ACACA: variants seen among roughly 807,000 people sequenced by gnomAD.
ACACA encodes the protein acetyl-CoA carboxylase 1.
ACACA carries 103 observed loss-of-function variants against 296.1 expected under a neutral mutation model. That is an observed-to-expected ratio of 0.35 (90% CI 0.30 to 0.41). The LOEUF (loss-of-function observed/expected upper bound fraction) is 0.41. Ranked by LOEUF, ACACA falls within the 10% of genes least tolerant of loss-of-function variation. The pLI is 1.00. For synonymous variants in ACACA, 953 were observed against 1,038.6 expected (o/e 0.92, Z 1.58); for missense variants, 1,554 against 2,989.7 (o/e 0.52, Z 11.20).
intron 52 of ACACA, among the ~76,000 whole-genome samples, chr17:37,102,556 C>T (rs1419775130): frequency 6.6e-6 from 1 of 152,196 alleles, no homozygotes; most frequent in Admixed American, 6.5e-5. Flanking sequence ...TGGCTCTCTC[C>T]AAAGCCTGTG....
At chr17:37,174,371 A>C (rs1288075465) in intron 41 of ACACA, among the ~76,000 whole-genome samples, 1 of 151,984 alleles carries the variant, frequency 6.6e-6, no homozygotes, top group Non-Finnish European at 1.5e-5. Context: ...CTCAACAAAC[A>C]AGGCCACTCA....
At chr17:37,302,317 C>T (rs915589579) in intron 3 of ACACA, among the ~76,000 whole-genome samples, 8 of 151,904 alleles carry the variant, frequency 5.3e-5, no homozygotes, top group Admixed American at 3.3e-4. Context: ...TCAAGCGATT[C>T]TCCCGCCTCA....
chr17:37,192,606 TACA>T (rs1484527481), intron 36 of ACACA, among the ~76,000 whole-genome samples: 1 of 152,150 alleles, frequency 6.6e-6, no homozygotes, highest in Non-Finnish European at 1.5e-5. Flanking sequence ...TTAGAACTCC[TACA>T]ACATTTAATG....
chr17:37,343,207 A>C (rs940022940), intron 1 of ACACA, among the ~76,000 whole-genome samples: 3 of 152,030 alleles, frequency 2.0e-5, no homozygotes, highest in East Asian at 3.9e-4. Context: ...CAAACTCCTG[A>C]TATCAGGTGA....
intron 1 of ACACA, among the ~76,000 whole-genome samples, chr17:37,394,837 C>T (rs867354169): frequency 1.0e-4 from 15 of 150,444 alleles, no homozygotes; most frequent in African/African-American, 3.4e-4. Flanking sequence ...TGCAGTGAGC[C>T]GAGATTGTGC....
At chr17:37,223,456 A>T (rs1466483362) in intron 28 of ACACA, 56 bp downstream of exon 28, 5 of 1,420,122 alleles carry the variant, frequency 3.5e-6, no homozygotes, top group Non-Finnish European at 5.0e-6. Context: ...AAATAGACAG[A>T]AGAAACCAGC....
intron 5 of ACACA, among the ~76,000 whole-genome samples, chr17:37,280,763 C>CACA (rs2082482342): frequency 1.1e-5 from 1 of 94,900 alleles, no homozygotes; most frequent in Non-Finnish European, 2.1e-5. Flanking sequence ...ACACACACAC[C>CACA]CCAAAAAACA....
At chr17:37,379,439 G>A (rs1293762224) in intron 1 of ACACA, 4 of 1,556,582 alleles carry the variant, frequency 2.6e-6, no homozygotes, top group Non-Finnish European at 2.6e-6. Flanking sequence ...CATCCTTGAA[G>A]GCAGCCAGAA....
chr17:37,314,395 G>A (rs79240320), intron 3 of ACACA, among the ~76,000 whole-genome samples: 2,717 of 152,016 alleles, frequency 0.018, 87 homozygotes, highest in African/African-American at 0.063. Flanking sequence ...CACTGCGCCC[G>A]ACCACTCTAC....
At chr17:37,117,831 C>G (rs2143006543) in intron 50 of ACACA, among the ~76,000 whole-genome samples, 1 of 151,292 alleles carries the variant, frequency 6.6e-6, no homozygotes, top group East Asian at 1.9e-4. Flanking sequence ...TTCAGCATAG[C>G]AAGAGCTGTC....
intron 43 of ACACA, among the ~76,000 whole-genome samples, chr17:37,154,896 T>G (rs2076178794): frequency 6.6e-6 from 1 of 152,206 alleles, no homozygotes; most frequent in Non-Finnish European, 1.5e-5. Context: ...AATTGCCATT[T>G]TTATTCCATT....
intron 9 of ACACA, among the ~76,000 whole-genome samples, chr17:37,273,906 C>A (rs2082168303): frequency 6.6e-6 from 1 of 152,240 alleles, no homozygotes; most frequent in South Asian, 2.1e-4. Context: ...CCTTAAAACT[C>A]TGACTTAATC....
At position 37,235,001 on chromosome 17, in the gene ACACA, T is replaced by C; in HGVS notation, c.3220A>G (p.Lys1074Glu). ...YIFSHAQVTK[K>E]NLLVTMLIDQ... ...ATAAGCATTGTGACCAGAAGATTCT[T>C]CTTGGTGACTTGAGCGTGAGAGAAG... is the stretch of plus-strand genomic sequence containing the variant. The change falls in exon 25 of 56, where the codon AAG becomes GAG. Residue 1074 changes from lysine to glutamate, a missense_variant. Physicochemically the swap from Lys to Glu is moderately conservative, Grantham distance 56. This residue lies in a region of ACACA where 316 missense variants were observed against 540.9 expected (regional missense o/e 0.58). Coordinates refer to ENST00000616317, the MANE Select transcript of ACACA (RefSeq NM_198834.3). 1 of 1,613,960 alleles carries C rather than the reference T, an allele frequency of 6.2e-7. No individual in the cohort carries two copies. The highest frequency in any genetic ancestry group is 8.5e-7 in the Non-Finnish European group (1 of 1,179,940).
chr17:37,372,852 A>C (rs2049856090), intron 1 of ACACA, among the ~76,000 whole-genome samples: 1 of 152,032 alleles, frequency 6.6e-6, no homozygotes, highest in South Asian at 2.1e-4. Flanking sequence ...TAATAGAAAC[A>C]TGGATCTATT....
chr17:37,206,917 A>C, intron 31 of ACACA, 38 bp from the exon 32 acceptor site: 663 of 1,526,464 alleles, frequency 4.3e-4, no homozygotes, highest in Non-Finnish European at 5.5e-4. Context: ...ATGAAAACTC[A>C]AGTGGCATGA....
rs1179210136 is a variant in ACACA at position 37,257,688 on chromosome 17, T to C, written c.1826+15A>G. The C allele has an allele frequency of 6.2e-7, 1 of 1,613,242 alleles. No individual in the cohort carries two copies. Among genetic ancestry groups the C allele is most frequent in the Non-Finnish European group, 8.5e-7 (1 of 1,179,584 alleles). On this transcript the variant is annotated intron_variant, in intron 14 of 55. Coordinates refer to ENST00000616317, the MANE Select transcript of ACACA (RefSeq NM_198834.3). ...ATTTATTTTGTAAAATGCAATCAAATGCTATTATACTCACGAAATTGCCTC... is the reference window on the plus strand; with the variant it reads ...ATTTATTTTGTAAAATGCAATCAAACGCTATTATACTCACGAAATTGCCTC...
chr17:37,101,086 G>GAAAA (rs769214258), intron 52 of ACACA, among the ~76,000 whole-genome samples: 1 of 56,370 alleles, frequency 1.8e-5, no homozygotes, highest in Admixed American at 1.8e-4. Context: ...GACTGTCTCA[G>GAAAA]AAAAAAAAAA....
chr17:37,321,432 G>A (rs1381579156), intron 3 of ACACA, among the ~76,000 whole-genome samples: 1 of 152,186 alleles, frequency 6.6e-6, no homozygotes, highest in Non-Finnish European at 1.5e-5. Context: ...AGACCAGCCT[G>A]ACCAACATGG....
chr17:37,214,670 G>C (rs575202250), intron 29 of ACACA, among the ~76,000 whole-genome samples: 1 of 152,268 alleles, frequency 6.6e-6, no homozygotes, highest in African/African-American at 2.4e-5. Flanking sequence ...ACACAGCAGA[G>C]ACTAGAAGCT....
Sources: allele counts gnomAD v4.1 joint callset (sites outside exome capture counted in the v4.1 genomes callset), GRCh38; gene constraint gnomAD v4.1.1; regional missense constraint gnomAD v4.1.1; transcripts MANE v1.5; gene names NCBI Gene and HGNC (gene_info 2026-07-23, HGNC 2026-07-21).